The following BIRC6 variants were observed in gnomAD, a reference collection of about 807,000 sequenced individuals.
The protein encoded by BIRC6 is dual E2 ubiquitin-conjugating enzyme/E3 ubiquitin-protein ligase BIRC6.
BIRC6 carries 98 observed loss-of-function variants against 503.3 expected under a neutral mutation model. The ratio of observed to expected loss-of-function variants is 0.19; its 90% CI spans 0.17 to 0.23. The LOEUF (loss-of-function observed/expected upper bound fraction) is 0.23. Among genes scored for constraint, BIRC6 ranks in the 10% least tolerant of loss-of-function variants. The pLI is 1.00. For synonymous variants in BIRC6, 2,240 were observed against 2,078.7 expected, an observed-to-expected ratio of 1.08 and a Z score of -2.11; for missense variants, 5,360 against 5,806.0, an observed-to-expected ratio of 0.92 and a Z score of 2.50.
chr2:32,480,217 G>A (rs907899214), intron 37 of BIRC6, among the ~76,000 whole-genome samples: 6 of 152,014 alleles, frequency 3.9e-5, no homozygotes, highest in African/African-American at 9.7e-5. Flanking sequence ...CTTCGTTATC[G>A]AAGGTTCACA....
chr2:32,465,962 A>G (rs1205045674), intron 26 of BIRC6, among the ~76,000 whole-genome samples: 1 of 152,218 alleles, frequency 6.6e-6, no homozygotes, highest in Non-Finnish European at 1.5e-5. Context: ...GATGACATTT[A>G]GAGTGGAAAT....
chr2:32,534,805 A>G (rs2057084332), intron 61 of BIRC6, among the ~76,000 whole-genome samples: 1 of 151,606 alleles, frequency 6.6e-6, no homozygotes, highest in East Asian at 1.9e-4. Context: ...AGAAGAACAT[A>G]AGAGCTGTAT....
intron 30 of BIRC6, among the ~76,000 whole-genome samples, 182 bp from the exon 31 acceptor site, chr2:32,469,986 A>G (rs1473352867): frequency 2.6e-5 from 4 of 152,216 alleles, no homozygotes. Flanking sequence ...TAGTTAGAAA[A>G]AAAACTAATT....
intron 22 of BIRC6, among the ~76,000 whole-genome samples, chr2:32,450,086 G>T (rs1159471071): frequency 6.6e-6 from 1 of 152,150 alleles, no homozygotes; most frequent in Non-Finnish European, 1.5e-5. Flanking sequence ...AATCTGTTAG[G>T]GTGAAAGCGT....
Position 32,357,187 on chromosome 2 carries a change from C to T in BIRC6, c.26C>T (p.Pro9Leu), listed in dbSNP as rs2033189153. The change falls in exon 1 of 74, where the codon CCT becomes CTT. Residue 9 changes from proline (P) to leucine (L), a missense_variant. Around this residue, in one of 16 missense-constraint regions of BIRC6, gnomAD observed 145 missense variants for 106.9 expected, o/e 1.36. Transcript: ENST00000421745. This position sits in a 1 kb window ranked among gnomAD's most constrained non-coding sequence, Gnocchi z 4.9. MVTGGGAA[P>L]PGTVTEPLPS... ...ATGGTGACTGGTGGTGGTGCTGCAC[C>T]TCCCGGGACTGTCACTGAGCCGCTT... is the stretch of plus-strand genomic sequence containing the variant. 1.3e-6 allele frequency: 2 copies of T among 1,534,472 alleles called. No individual in the cohort carries two copies. Among genetic ancestry groups the T allele is most frequent in the Non-Finnish European group, 1.7e-6 (2 of 1,148,526 alleles).
chr2:32,476,120 C>A, intron 33 of BIRC6, 93 bp from the exon 34 acceptor site: 1 of 905,110 alleles, frequency 1.1e-6, no homozygotes, highest in Non-Finnish European at 1.6e-6. Flanking sequence ...AATGTGCATT[C>A]CATTAGTTTG....
intron 5 of BIRC6, among the ~76,000 whole-genome samples, chr2:32,393,270 A>C (rs568403975): frequency 3.9e-5 from 6 of 152,124 alleles, no homozygotes; most frequent in Non-Finnish European, 5.9e-5. Flanking sequence ...GTGTAGGAAA[A>C]GAGGAGAGTA....
chr2:32,504,911 A>T, intron 49 of BIRC6, 94 bp from the exon 50 acceptor site: 1 of 1,141,310 alleles, frequency 8.8e-7, no homozygotes, highest in African/African-American at 1.6e-5. Flanking sequence ...GTTTTCAATT[A>T]ATTTTTCTAG....
chr2:32,535,214 GA>G (rs987098010), intron 61 of BIRC6, among the ~76,000 whole-genome samples: 13 of 53,628 alleles, frequency 2.4e-4, no homozygotes, highest in African/African-American at 9.5e-4. Flanking sequence ...CAGCTATAAA[GA>G]AAATGACCTA....
At chr2:32,596,928 T>C (rs2061713406) in intron 68 of BIRC6, among the ~76,000 whole-genome samples, 1 of 152,226 alleles carries the variant, frequency 6.6e-6, no homozygotes, top group South Asian at 2.1e-4. Flanking sequence ...TTTAGAATCA[T>C]ATGTCCAGAC....
chr2:32,505,099 C>G lies in BIRC6; in HGVS notation c.9594C>G (p.Ser3198=). The G allele has an allele frequency of 1.2e-6, 2 of 1,611,780 alleles. No individual in the cohort carries two copies. Among genetic ancestry groups the G allele is most frequent in the South Asian group, 1.1e-5 (1 of 90,464 alleles). The change falls in exon 50 of 74, where the codon TCC becomes TCG. Residue 3198 remains serine, a synonymous_variant. Coordinates refer to ENST00000421745, the MANE Select transcript of BIRC6 (RefSeq NM_016252.4). ...GAAGAGCTCGCTCTGCTGCTTGGTC[C>G]TACATCTTTCTTCCAGAGGAGGCTT... ...PHRRARSAAW[S]YIFLPEEAWC...
intron 61 of BIRC6, among the ~76,000 whole-genome samples, chr2:32,541,472 G>A (rs1290077769): frequency 6.6e-6 from 1 of 151,976 alleles, no homozygotes. Context: ...TGTAAAAGAA[G>A]GAAGAAATAG....
At chr2:32,616,843 A>G (rs565029109) in intron 73 of BIRC6, among the ~76,000 whole-genome samples, 1 of 152,226 alleles carries the variant, frequency 6.6e-6, no homozygotes, top group Non-Finnish European at 1.5e-5. Flanking sequence ...AGTGGCTCAC[A>G]CCTGCAATCC....
rs200667966 is a variant in BIRC6, at chr2:32,357,141, C to G, written c.-21C>G. The G allele has an allele frequency of 2.0e-6, 3 of 1,470,882 alleles. No homozygotes were observed. Among genetic ancestry groups the G allele is most frequent in the Non-Finnish European group, 1.8e-6 (2 of 1,125,996 alleles). 91.1% of individuals were successfully genotyped at this position (1,470,882 alleles called of 1,614,324 possible). A position where few individuals can be genotyped will look rare whatever the true frequency, so the allele number is the denominator to read the frequency against. On this transcript the variant is annotated 5_prime_UTR_variant, in exon 1 of 74. Coordinates refer to ENST00000421745, the MANE Select transcript of BIRC6 (RefSeq NM_016252.4). The surrounding 1 kb of genome is among the most constrained non-coding windows in gnomAD (Gnocchi z 4.9). ...TGACTTCACTTCCGGCTAACGCGCTCGGCTTGCCCCCTGGCCCCGGATGGT... is the reference window on the plus strand; with the variant it reads ...TGACTTCACTTCCGGCTAACGCGCTGGGCTTGCCCCCTGGCCCCGGATGGT...
rs779473703 is a variant in BIRC6, at chr2:32,429,207, A to G, written c.2934A>G (p.Ile978Met). ...GTCDDIDEAD[I>M]LVDGSLSKGI... is the part of the protein sequence containing the mutation. ...GTGATGATATTGATGAAGCTGATAT[A>G]CTAGTGGATGGATCTCTTTCTAAAG... The change falls in exon 11 of 74, where the codon ATA (isoleucine) becomes ATG (methionine). Residue 978 changes from isoleucine to methionine, a missense_variant. By Grantham distance (10) the Ile-to-Met change is conservative. Around this residue, in one of 16 missense-constraint regions of BIRC6, gnomAD observed 700 missense variants for 739.3 expected, o/e 0.95. Coordinates refer to ENST00000421745, the MANE Select transcript of BIRC6 (RefSeq NM_016252.4). 7.0e-6 allele frequency: 11 copies of G among 1,580,226 alleles called. No individual in the cohort carries two copies. Among genetic ancestry groups the G allele is most frequent in the Non-Finnish European group, 6.9e-6 (8 of 1,161,150 alleles).
At chr2:32,435,145 G>A (rs900975785) in intron 13 of BIRC6, among the ~76,000 whole-genome samples, 2 of 152,078 alleles carry the variant, frequency 1.3e-5, no homozygotes, top group African/African-American at 4.8e-5. Context: ...GACAGATTTT[G>A]AATTAATTGG....
chr2:32,435,916 A>C (rs1185253190), intron 14 of BIRC6, 137 bp from the exon 15 acceptor site: 23 of 538,224 alleles, frequency 4.3e-5, no homozygotes, highest in Non-Finnish European at 6.2e-5. Context: ...CCTTAGCATG[A>C]CAATTCTTAT....
At chr2:32,435,736 C>G (rs1043082577) in intron 14 of BIRC6, among the ~76,000 whole-genome samples, 151 bp downstream of exon 14, 3 of 152,228 alleles carry the variant, frequency 2.0e-5, no homozygotes, top group Non-Finnish European at 4.4e-5. Context: ...TGGCAATATG[C>G]TTTAACTTTC....
At chr2:32,449,994 C>T (rs1056084313) in intron 22 of BIRC6, among the ~76,000 whole-genome samples, 1 of 152,224 alleles carries the variant, frequency 6.6e-6, no homozygotes, top group African/African-American at 2.4e-5. Flanking sequence ...TCAATTAGAC[C>T]ATTGTAATTT....
Sources: gnomAD v4.1 joint callset for allele counts (sites outside exome capture counted in the v4.1 genomes callset) on GRCh38, gnomAD v4.1.1 for gene constraint, gnomAD v4.1.1 regional missense constraint, Gnocchi (gnomAD v3.1) non-coding constraint, MANE v1.5 for transcripts, NCBI Gene and HGNC (gene_info 2026-07-23, HGNC 2026-07-21) for gene names.